The following SSC5D variants were observed in gnomAD, a reference collection of about 807,000 sequenced individuals.
The protein encoded by SSC5D is scavenger receptor cysteine rich family member with 5 domains.
SSC5D carries 106 observed loss-of-function variants against 104.6 expected under a neutral mutation model. That is an observed-to-expected ratio of 1.01 (90% CI 0.87 to 1.19). SSC5D has a LOEUF of 1.19. Ranked by LOEUF, SSC5D falls within the 50% of genes most tolerant of loss-of-function variation. The probability of loss-of-function intolerance (pLI) is 0.00; values close to 1 mark genes in which losing one functional copy is unlikely to be tolerated. For synonymous variants in SSC5D, 860 were observed against 883.5 expected, an observed-to-expected ratio of 0.97 and a Z score of 0.47; for missense variants, 1,993 against 2,153.8, an observed-to-expected ratio of 0.93 and a Z score of 1.48.
Position 55,493,887 on chromosome 19 carries a change from C to G in SSC5D, c.1188C>G (p.Arg396=). ...GGGGCCAGCATGACTGTCACCACCG[C>G]GAGGACGCCGGGGCCGTGTGTGACG... ...RPWGQHDCHH[R]EDAGAVCDGM... Residue 396 remains arginine, a synonymous_variant, in exon 7 of 14, where the codon CGC becomes CGG. Transcript: ENST00000389623. 6.5e-7 allele frequency: 1 copy of G among 1,542,448 alleles called. No individual in the cohort carries two copies. Among genetic ancestry groups the G allele is most frequent in the Non-Finnish European group, 8.7e-7 (1 of 1,143,802 alleles).
chr19:55,488,951 AG>A, intron 1 of SSC5D, 54 bp from the exon 2 acceptor site: 3 of 795,268 alleles, frequency 3.8e-6, no homozygotes, highest in Non-Finnish European at 4.6e-6. Flanking sequence ...CGCTGGAGAA[AG>A]GGCCACCCCC....
chr19:55,494,544 G>A, intron 7 of SSC5D, 66 bp from the exon 8 acceptor site: 1 of 1,436,768 alleles, frequency 7.0e-7, no homozygotes, highest in Non-Finnish European at 9.2e-7. Context: ...GACGCAGGAG[G>A]TGGGGGTGCC....
chr19:55,518,729 T>C lies in SSC5D; in HGVS notation c.4453T>C (p.Cys1485Arg). 1 of 1,550,906 alleles carries C rather than the reference T, an allele frequency of 6.4e-7. No homozygotes were observed. The highest frequency in any genetic ancestry group is 8.7e-7 in the Non-Finnish European group (1 of 1,146,938). Residue 1485 changes from cysteine to arginine, a missense_variant, in exon 14 of 14, where the codon TGT becomes CGT. By Grantham distance (180) the Cys-to-Arg change is radical (BLOSUM62 -3). Coordinates refer to ENST00000389623, the MANE Select transcript of SSC5D (RefSeq NM_001144950.2). ...APTPPVRVMA[C>R]EPPALVELVA... is the part of the protein sequence containing the mutation. Reference sequence around the variant, plus strand: ...AACACCACCTGTAAGGGTCATGGCTTGTGAGCCACCTGCCCTGGTGGAGCT... The same window carrying C: ...AACACCACCTGTAAGGGTCATGGCTCGTGAGCCACCTGCCCTGGTGGAGCT...
At chr19:55,493,045 AT>A (rs1987195614) in intron 6 of SSC5D, among the ~76,000 whole-genome samples, 1 of 152,134 alleles carries the variant, frequency 6.6e-6, no homozygotes. Flanking sequence ...AAATAAAAAA[AT>A]GAAATGTACC....
Position 55,493,682 on chromosome 19 carries a change from T to C in SSC5D, c.983T>C (p.Val328Ala). 6.6e-7 allele frequency: 1 copy of C among 1,510,312 alleles called. No individual in the cohort carries two copies. Among genetic ancestry groups the C allele is most frequent in the South Asian group, 1.2e-5 (1 of 80,754 alleles). The allele number at this position is 1,510,312 out of a possible 1,614,324, so 93.6% of individuals were successfully genotyped here. A position where few individuals can be genotyped will look rare whatever the true frequency, so the allele number is the denominator to read the frequency against. The change falls in exon 7 of 14, where the codon GTG becomes GCG. Residue 328 changes from valine to alanine, a missense_variant. By Grantham distance (64) the Val-to-Ala change is moderately conservative. Transcript: ENST00000389623. ...EVWHGGRWGS[V>A]CDDAWDLRDA... ...TGGCACGGGGGTCGCTGGGGGTCGG[T>C]GTGTGACGACGCCTGGGACCTGCGA...
rs1010086392 is a variant in SSC5D, at chr19:55,489,664, T to G, written c.361+2T>G. On this transcript the variant is annotated splice_donor_variant, in intron 3 of 13. Coordinates refer to ENST00000389623, the MANE Select transcript of SSC5D (RefSeq NM_001144950.2). LOFTEE classifies it high-confidence loss of function. Reference sequence around the variant, plus strand: ...AGGACGCGGGCGTCGTCTGCGCAGGTGAGGACACCCTGGCTGCTCCTTCAG... The same window carrying G: ...AGGACGCGGGCGTCGTCTGCGCAGGGGAGGACACCCTGGCTGCTCCTTCAG... 4.6e-6 allele frequency: 7 copies of G among 1,531,856 alleles called. No homozygotes were observed. The Admixed American group carries it at 6.0e-5, about 13-fold the overall frequency. 94.9% of individuals were successfully genotyped at this position (1,531,856 alleles called of 1,614,324 possible). A position where few individuals can be genotyped will look rare whatever the true frequency, so the allele number is the denominator to read the frequency against.
At chr19:55,489,283 C>T in intron 2 of SSC5D, 71 bp from the exon 3 acceptor site, 2 of 1,398,466 alleles carry the variant, frequency 1.4e-6, no homozygotes, top group Non-Finnish European at 1.9e-6. Flanking sequence ...GCCACCTGCC[C>T]CTACAGTTGC....
chr19:55,516,911 C>G (rs941038944), intron 13 of SSC5D, among the ~76,000 whole-genome samples: 1 of 151,928 alleles, frequency 6.6e-6, no homozygotes, highest in African/African-American at 2.4e-5. Flanking sequence ...CCCTCCCGCA[C>G]CCCAGCACCC....
intron 1 of SSC5D, 32 bp from the exon 2 acceptor site, chr19:55,488,974 C>T: frequency 6.5e-7 from 1 of 1,533,704 alleles, no homozygotes; most frequent in Non-Finnish European, 8.8e-7. Context: ...GCCTGCCCCT[C>T]ACACTGCCCC....
At chr19:55,501,225 C>T (rs1175168660) in intron 12 of SSC5D, 24 bp downstream of exon 12, 6 of 1,482,110 alleles carry the variant, frequency 4.0e-6, no homozygotes, top group Admixed American at 2.7e-5. Flanking sequence ...TTGGGGTGGC[C>T]ATGGAGGGCC....
At chr19:55,497,632 A>T (rs1428361701) in intron 8 of SSC5D, among the ~76,000 whole-genome samples, 1 of 152,094 alleles carries the variant, frequency 6.6e-6, no homozygotes, top group Non-Finnish European at 1.5e-5. Context: ...ATTATATGGT[A>T]ATTTGATGTG....
rs1205953320 is a variant in SSC5D at position 55,518,415 on chromosome 19, T to C, written c.4139T>C (p.Ile1380Thr). 1 of 1,551,148 alleles carries C rather than the reference T, an allele frequency of 6.4e-7. No homozygotes were observed. Among genetic ancestry groups the C allele is most frequent in the Non-Finnish European group, 8.7e-7 (1 of 1,146,908 alleles). The part of the protein sequence containing the change: ...APAPHTSTSQ[I>T]PTLEPSPALE... ...GCCCCTCACACCTCCACATCCCAGA[T>C]ACCCACCTTAGAGCCCTCTCCAGCC... The change falls in exon 14 of 14, where the codon ATA becomes ACA. Residue 1380 changes from isoleucine to threonine, a missense_variant. Ile to Thr is a moderately conservative substitution (Grantham distance 89). Coordinates refer to ENST00000389623, the MANE Select transcript of SSC5D (RefSeq NM_001144950.2).
In SSC5D at chr19:55,498,134, C is replaced by T. The variant is rs1401919291; in HGVS notation, c.1642C>T (p.Pro548Ser). 3.2e-6 allele frequency: 5 copies of T among 1,551,718 alleles called. No homozygotes were observed. Among genetic ancestry groups the T allele is most frequent in the South Asian group, 1.2e-5 (1 of 84,054 alleles). ...VGTEASLSDC[P>S]AAPWGKHNCA... ...GACCGAGGCTTCACTGTCCGACTGC[C>T]CTGCTGCTCCCTGGGGAAAGCACAA... The change falls in exon 9 of 14, where the codon CCT (proline) becomes TCT (serine). Residue 548 changes from proline to serine, a missense_variant. Transcript: ENST00000389623.
chr19:55,491,178 C>A, intron 6 of SSC5D, 98 bp downstream of exon 6: 2 of 1,358,114 alleles, frequency 1.5e-6, no homozygotes, highest in Non-Finnish European at 2.0e-6. Context: ...CCCAGCTCTG[C>A]CTCCTGCCCG....
chr19:55,490,839 C>A lies in SSC5D; in HGVS notation c.654C>A (p.Arg218=), dbSNP rs926352489. Residue 218 remains arginine, a synonymous_variant, in exon 6 of 14, where the codon CGC becomes CGA. Coordinates refer to ENST00000389623, the MANE Select transcript of SSC5D (RefSeq NM_001144950.2). The part of the protein sequence containing the change: ...AGRLEVWHGG[R]WGTVCDDGWD... ...GCCTGGAGGTCTGGCACGGCGGGCG[C>A]TGGGGCACCGTATGTGACGATGGCT... The A allele has an allele frequency of 6.5e-6, 10 of 1,547,382 alleles. No homozygotes were observed. In the African/African-American group the frequency reaches 1.2e-4, roughly 19 times the overall value.
chr19:55,493,988 G>T, intron 7 of SSC5D, 76 bp downstream of exon 7: 1 of 185,282 alleles, frequency 5.4e-6, no homozygotes, highest in South Asian at 2.5e-5. Context: ...CGGCGGGGGC[G>T]GGGGGGTCCC....
chr19:55,495,546 T>C (rs977940636), intron 8 of SSC5D, among the ~76,000 whole-genome samples: 3 of 151,350 alleles, frequency 2.0e-5, no homozygotes, highest in African/African-American at 7.3e-5. Flanking sequence ...TTCATGAGTA[T>C]TGAAAGGACT....
chr19:55,518,110 C>T lies in SSC5D; in HGVS notation c.3834C>T (p.Thr1278=), dbSNP rs1987923989. 2.7e-6 allele frequency: 4 copies of T among 1,470,336 alleles called. No homozygotes were observed. The highest frequency in any genetic ancestry group is 2.5e-5 in the South Asian group (2 of 80,136). 91.1% of individuals were successfully genotyped at this position (1,470,336 alleles called of 1,614,324 possible). A position where few individuals can be genotyped will look rare whatever the true frequency, so the allele number is the denominator to read the frequency against. ...AGCCCACCACGATGCCTCATCCCACCACGACCCCTCACCCCACCACGACTC... is the reference window on the plus strand; with the variant it reads ...AGCCCACCACGATGCCTCATCCCACTACGACCCCTCACCCCACCACGACTC... ...TMQPTTMPHP[T]TTPHPTTTPH... is the part of the protein sequence containing the mutation. The change falls in exon 14 of 14, where the codon ACC becomes ACT. Residue 1278 remains threonine, a synonymous_variant. Coordinates refer to ENST00000389623, the MANE Select transcript of SSC5D (RefSeq NM_001144950.2).
At position 55,503,695 on chromosome 19, in the gene SSC5D, C is replaced by T. The variant is rs1289110313; in HGVS notation, c.2785+2494C>T. 6.6e-6 allele frequency among the ~76,000 whole-genome samples: 1 copy of T among 152,228 alleles called. No homozygotes were observed. The highest frequency in any genetic ancestry group is 1.5e-5 in the Non-Finnish European group (1 of 68,030). Reference sequence around the variant, plus strand: ...CCCTCCCTTCCACTCTCCCGCCCTGCTCGCCGTCTGGGGCTGCCTGGGTTT... The same window carrying T: ...CCCTCCCTTCCACTCTCCCGCCCTGTTCGCCGTCTGGGGCTGCCTGGGTTT... On this transcript the variant is annotated intron_variant, in intron 12 of 13. Transcript: ENST00000389623. The surrounding 1 kb of genome is among the most constrained non-coding windows in gnomAD (Gnocchi z 4.0).
Sources: allele counts gnomAD v4.1 joint callset (sites outside exome capture counted in the v4.1 genomes callset), GRCh38; gene constraint gnomAD v4.1.1; non-coding constraint Gnocchi (gnomAD v3.1); transcripts MANE v1.5; gene names NCBI Gene and HGNC (gene_info 2026-07-23, HGNC 2026-07-21).